Variants in ADAMTSL1 observed in about 807,000 individuals in gnomAD.
The protein encoded by ADAMTSL1 is ADAMTS-like protein 1.
A neutral mutation model predicts 201.8 loss-of-function variants in ADAMTSL1; 126 were observed. The ratio of observed to expected loss-of-function variants is 0.62; its 90% CI spans 0.54 to 0.72. ADAMTSL1 has a LOEUF of 0.72. Ranked by LOEUF, ADAMTSL1 falls within the 30% of genes least tolerant of loss-of-function variation. ADAMTSL1 has a pLI of 0.00. For missense variants in ADAMTSL1, 2,679 were observed against 2,277.8 expected, an observed-to-expected ratio of 1.18 and a Z score of -3.59; for synonymous variants, 1,121 against 903.4, an observed-to-expected ratio of 1.24 and a Z score of -4.32.
chr9:18,032,090 A>G (rs1375236590), intron 1 of ADAMTSL1, among the ~76,000 whole-genome samples: 1 of 152,134 alleles, frequency 6.6e-6, no homozygotes, highest in Non-Finnish European at 1.5e-5. Context: ...TTGTGCTCAT[A>G]TAACTGGGCT....
At chr9:18,640,974 A>G (rs985515340) in intron 7 of ADAMTSL1, among the ~76,000 whole-genome samples, 1 of 151,990 alleles carries the variant, frequency 6.6e-6, no homozygotes, top group East Asian at 1.9e-4. Flanking sequence ...CCTCTAGGTT[A>G]GAAGACAAAT....
At chr9:18,536,823 G>A (rs745552888) in intron 3 of ADAMTSL1, among the ~76,000 whole-genome samples, 1 of 152,114 alleles carries the variant, frequency 6.6e-6, no homozygotes, top group Non-Finnish European at 1.5e-5. Flanking sequence ...TCTTAAAAAG[G>A]TTTTCTTAGG....
At chr9:18,509,572 G>T (rs1454113737) in intron 2 of ADAMTSL1, among the ~76,000 whole-genome samples, 1 of 152,182 alleles carries the variant, frequency 6.6e-6, no homozygotes, top group Non-Finnish European at 1.5e-5. Flanking sequence ...GCTTCATCTG[G>T]TTCAACTTGG....
At chr9:18,091,659 A>T (rs1428786974) in intron 1 of ADAMTSL1, among the ~76,000 whole-genome samples, 4 of 152,148 alleles carry the variant, frequency 2.6e-5, no homozygotes, top group Non-Finnish European at 4.4e-5. Context: ...TTTTTGGATT[A>T]TTAGTTTTCT....
intron 1 of ADAMTSL1, among the ~76,000 whole-genome samples, chr9:18,045,656 C>T (rs1821626375): frequency 6.6e-6 from 1 of 151,956 alleles, no homozygotes; most frequent in Non-Finnish European, 1.5e-5. Flanking sequence ...TAGCTTTCGG[C>T]AGTGAATTTA....
intron 1 of ADAMTSL1, among the ~76,000 whole-genome samples, chr9:17,914,356 G>A (rs947998684): frequency 1.3e-5 from 2 of 152,116 alleles, no homozygotes; most frequent in Non-Finnish European, 2.9e-5. Context: ...GGGATGCAAG[G>A]CTGGTTCAAT....
intron 23 of ADAMTSL1, among the ~76,000 whole-genome samples, chr9:18,859,871 G>A (rs1827101000): frequency 6.6e-6 from 1 of 151,952 alleles, no homozygotes; most frequent in African/African-American, 2.4e-5. Context: ...GGGTACAAGT[G>A]GTTTTTTTGT....
At chr9:18,528,893 A>G (rs2132080066) in intron 2 of ADAMTSL1, among the ~76,000 whole-genome samples, 1 of 152,224 alleles carries the variant, frequency 6.6e-6, no homozygotes, top group Admixed American at 6.5e-5. Context: ...CAAATTTCAA[A>G]TGTTTGTTTT....
chr9:18,700,750 A>T (rs966767749), intron 13 of ADAMTSL1, among the ~76,000 whole-genome samples: 1 of 152,218 alleles, frequency 6.6e-6, no homozygotes, highest in African/African-American at 2.4e-5. Context: ...GAGTAGAATT[A>T]CTTATGACAT....
chr9:18,534,844 G>C (rs1467087901), intron 3 of ADAMTSL1, among the ~76,000 whole-genome samples: 1 of 152,230 alleles, frequency 6.6e-6, no homozygotes, highest in South Asian at 2.1e-4. Flanking sequence ...AGCCACAGCT[G>C]GAGTGGCTGG....
At chr9:18,107,471 A>T (rs1824808606) in intron 1 of ADAMTSL1, among the ~76,000 whole-genome samples, 1 of 152,160 alleles carries the variant, frequency 6.6e-6, no homozygotes, top group Non-Finnish European at 1.5e-5. Context: ...TAAATGAGAG[A>T]AGTATTTTGT....
chr9:18,730,782 A>G (rs1818171110), intron 15 of ADAMTSL1, among the ~76,000 whole-genome samples: 2 of 152,226 alleles, frequency 1.3e-5, no homozygotes, highest in African/African-American at 2.4e-5. Context: ...GCACAGACAC[A>G]GGCCGTGGGC....
At chr9:17,997,305 AGGGTGTTG>A (rs1392885945) in intron 1 of ADAMTSL1, among the ~76,000 whole-genome samples, 11 of 152,208 alleles carry the variant, frequency 7.2e-5, no homozygotes, top group African/African-American at 2.4e-4. Flanking sequence ...ATAACAAACA[AGGGTGTTG>A]GTTACAATTT....
intron 1 of ADAMTSL1, among the ~76,000 whole-genome samples, chr9:18,484,937 A>C (rs562567613): frequency 2.6e-5 from 4 of 152,332 alleles, no homozygotes; most frequent in Non-Finnish European, 5.9e-5. Context: ...TGTATTGTTA[A>C]CTAAGGACGC....
At chr9:18,212,828 G>A (rs1030237228) in intron 2 of ADAMTSL1, among the ~76,000 whole-genome samples, 1 of 152,104 alleles carries the variant, frequency 6.6e-6, no homozygotes. Context: ...TAGGTAAGAT[G>A]TGCTTCAACA....
chr9:18,679,506 A>G (rs983227282), intron 10 of ADAMTSL1, among the ~76,000 whole-genome samples: 5 of 152,096 alleles, frequency 3.3e-5, no homozygotes, highest in South Asian at 2.1e-4. Flanking sequence ...AAAAAAATCA[A>G]TGGAAGTCTC....
intron 1 of ADAMTSL1, among the ~76,000 whole-genome samples, chr9:18,026,787 CTCT>C (rs1027431487): frequency 1.3e-5 from 2 of 152,032 alleles, no homozygotes; most frequent in Non-Finnish European, 2.9e-5. Flanking sequence ...TTGATAGCAG[CTCT>C]TCTTTGAACA....
chr9:18,572,918 G>C (rs1475890537), intron 3 of ADAMTSL1, among the ~76,000 whole-genome samples: 1 of 152,146 alleles, frequency 6.6e-6, no homozygotes, highest in African/African-American at 2.4e-5. Context: ...AGTCTTCCAT[G>C]GTAAATTTTA....
chr9:18,391,576 T>C (rs1233753962), intron 2 of ADAMTSL1, among the ~76,000 whole-genome samples: 1 of 152,092 alleles, frequency 6.6e-6, no homozygotes, highest in Non-Finnish European at 1.5e-5. Context: ...TATCAGTAAC[T>C]GAAATATGGG....
Sources: allele counts gnomAD v4.1 joint callset (sites outside exome capture counted in the v4.1 genomes callset), GRCh38; gene constraint gnomAD v4.1.1; transcripts MANE v1.5; gene names NCBI Gene and HGNC (gene_info 2026-07-23, HGNC 2026-07-21).